SECISBP2L: variants seen among roughly 807,000 people sequenced by gnomAD.
SECISBP2L encodes the protein SECIS binding protein 2 like.
A neutral mutation model predicts 114.7 loss-of-function variants in SECISBP2L; 43 were observed. That is an observed-to-expected ratio of 0.38 (90% CI 0.29 to 0.48). The LOEUF is 0.48. SECISBP2L is among the 20% of genes least tolerant of loss of function. SECISBP2L has a pLI of 0.98. For synonymous variants in SECISBP2L, 451 were observed against 439.7 expected, an observed-to-expected ratio of 1.03 and a Z score of -0.32; for missense variants, 1,136 against 1,301.1, an observed-to-expected ratio of 0.87 and a Z score of 1.95.
At position 49,032,019 on chromosome 15, in the gene SECISBP2L, G is replaced by T. The variant is rs191825112; in HGVS notation, c.664+946C>A. Among the ~76,000 whole-genome samples, 328 of 152,264 alleles carry T rather than the reference G, an allele frequency of 2.2e-3. 1 individual carries two copies. Among genetic ancestry groups the T allele is most frequent in the Non-Finnish European group, 2.4e-3 (161 of 68,004 alleles). ...TTTATGCTTTAACCACACAATGACT[G>T]TACTATCAACAAGGCTTTTAAAACT... On this transcript the variant is annotated intron_variant, in intron 4 of 17. Coordinates refer to ENST00000559471, the MANE Select transcript of SECISBP2L (RefSeq NM_001193489.2).
chr15:49,005,786 C>G (rs1399493047), intron 14 of SECISBP2L, among the ~76,000 whole-genome samples: 1 of 151,828 alleles, frequency 6.6e-6, no homozygotes. Context: ...TGAATCTGAT[C>G]CTGTCATTAT....
chr15:49,011,241 G>A lies in SECISBP2L; in HGVS notation c.1864+490C>T, dbSNP rs112960956. On this transcript the variant is annotated intron_variant, in intron 13 of 17. Transcript: ENST00000559471. ...ACTAAGTTACCAACTGGAATCATAT[G>A]TGTTGCTACTTACTGTATGACACTG... 3.1e-3 allele frequency among the ~76,000 whole-genome samples: 476 copies of A among 152,280 alleles called. 1 individual carries two copies. Among genetic ancestry groups the A allele is most frequent in the African/African-American group, 0.011 (452 of 41,552 alleles).
At chr15:49,008,153 T>C (rs1448851252) in intron 14 of SECISBP2L, among the ~76,000 whole-genome samples, 1 of 152,214 alleles carries the variant, frequency 6.6e-6, no homozygotes, top group African/African-American at 2.4e-5. Context: ...TTGGTGTTTC[T>C]TATCTATGAA....
Position 49,027,433 on chromosome 15 carries a change from GT to G in SECISBP2L, c.966del (p.Lys322AsnfsTer51). ...AATGTCTGATTTTTTTCCATCCAAG[GT>G]TTTTTCTGAGTTGCCTGGCAAGTTA... ...SNVTCQATQK[K>X]PWMEKNQTFS... On this transcript the variant is annotated frameshift_variant, in exon 7 of 18. Transcript: ENST00000559471. LOFTEE classifies it high-confidence loss of function. The G allele has an allele frequency of 6.2e-7, 1 of 1,609,016 alleles. No individual in the cohort carries two copies. Among genetic ancestry groups the G allele is most frequent in the Non-Finnish European group, 8.5e-7 (1 of 1,176,762 alleles).
At chr15:49,043,018 C>T (rs1284422645) in intron 1 of SECISBP2L, among the ~76,000 whole-genome samples, 1 of 152,152 alleles carries the variant, frequency 6.6e-6, no homozygotes, top group Non-Finnish European at 1.5e-5. Context: ...CAGAGTGAGA[C>T]TCCGTCTCAA....
rs555537014 is a variant in SECISBP2L at position 49,012,124 on chromosome 15, T to C, written c.1732-261A>G. On this transcript the variant is annotated intron_variant, in intron 12 of 17. Transcript: ENST00000559471. ...ATGCTTTAAATCCTAGGTGGCAAAC[T>C]AGAGTTTCCAAAAAAAAAAAGGGTA... Among the ~76,000 whole-genome samples the C allele has an allele frequency of 1.1e-4, 14 of 131,966 alleles. No individual in the cohort carries two copies. In the East Asian group the frequency reaches 2.8e-3, roughly 27 times the overall value. The allele number at this position is 131,966 out of a possible 152,430, so 86.6% of individuals were successfully genotyped here.
chr15:49,025,658 AATGCATATCAAAACCATAATGAGGT>A (rs1902726796), intron 7 of SECISBP2L, among the ~76,000 whole-genome samples: 1 of 152,174 alleles, frequency 6.6e-6, no homozygotes, highest in Admixed American at 6.5e-5. Context: ...TCATCAGGGA[AATGCATATCAAAACCATAATGAGGT>A]ATTTTCTCAT....
At chr15:49,042,929 G>A (rs1328990078) in intron 1 of SECISBP2L, among the ~76,000 whole-genome samples, 1 of 152,182 alleles carries the variant, frequency 6.6e-6, no homozygotes, top group African/African-American at 2.4e-5. Flanking sequence ...TCAGGAGGCT[G>A]AGGCAGGAGA....
At chr15:49,014,347 A>G (rs1378918327) in intron 11 of SECISBP2L, among the ~76,000 whole-genome samples, 1 of 152,134 alleles carries the variant, frequency 6.6e-6, no homozygotes, top group East Asian at 1.9e-4. Context: ...GTCTGTGAAC[A>G]TCTTTTTCCT....
intron 7 of SECISBP2L, among the ~76,000 whole-genome samples, chr15:49,023,117 A>T (rs1256162415): frequency 6.6e-6 from 1 of 152,176 alleles, no homozygotes; most frequent in Non-Finnish European, 1.5e-5. Context: ...TAATCATGAT[A>T]ATAATGAGCA....
rs527904870 is a variant in SECISBP2L, at chr15:49,020,386, A to G, written c.1036-834T>C. 2.7e-5 allele frequency among the ~76,000 whole-genome samples: 4 copies of G among 150,596 alleles called. No homozygotes were observed. The South Asian group carries it at 8.5e-4, about 32-fold the overall frequency. ...ACACCCAGCTAATTGTTTTATTTGT[A>G]TTTTTGTAGAGACAGGGGTCTCGCT... On this transcript the variant is annotated intron_variant, in intron 7 of 17. Coordinates refer to ENST00000559471, the MANE Select transcript of SECISBP2L (RefSeq NM_001193489.2).
At position 49,046,408 on chromosome 15, in the gene SECISBP2L, C is replaced by G. The variant is rs1903253303; in HGVS notation, c.-109G>C. ...CAGACTGGGTTCCGGACCTCCGCCC[C>G]TATCTGGCTGGCCGCGACACCGATT... On this transcript the variant is annotated 5_prime_UTR_variant, in exon 1 of 18. Coordinates refer to ENST00000559471, the MANE Select transcript of SECISBP2L (RefSeq NM_001193489.2). 8 of 1,234,414 alleles carry G rather than the reference C, an allele frequency of 6.5e-6. No individual in the cohort carries two copies. In the Admixed American group the frequency reaches 1.1e-4, roughly 18 times the overall value. 76.5% of individuals were successfully genotyped at this position (1,234,414 alleles called of 1,614,324 possible).
intron 4 of SECISBP2L, among the ~76,000 whole-genome samples, chr15:49,031,906 C>A (rs981369890): frequency 1.3e-5 from 2 of 152,074 alleles, no homozygotes; most frequent in Admixed American, 6.6e-5. Flanking sequence ...ACAACCAAAC[C>A]AGAAAACTTA....
At chr15:49,032,428 A>G (rs1312692036) in intron 4 of SECISBP2L, among the ~76,000 whole-genome samples, 2 of 152,224 alleles carry the variant, frequency 1.3e-5, no homozygotes, top group Non-Finnish European at 1.5e-5. Flanking sequence ...TTTTTATTTA[A>G]TGCCTGTACA....
chr15:48,988,650 A>C lies in SECISBP2L; in HGVS notation c.*3594T>G. ...CTGAAAGGACAGATTTCATTTCAATAATCATTTTATTAGTACAGAAGAATC... is the reference window on the plus strand; with the variant it reads ...CTGAAAGGACAGATTTCATTTCAATCATCATTTTATTAGTACAGAAGAATC... On this transcript the variant is annotated 3_prime_UTR_variant, in exon 18 of 18. Transcript: ENST00000559471. The C allele has an allele frequency of 2.2e-6, 1 of 456,276 alleles. No individual in the cohort carries two copies. The allele number at this position is 456,276 out of a possible 1,614,324, so 28.3% of individuals were successfully genotyped here. A position where few individuals can be genotyped will look rare whatever the true frequency, so the allele number is the denominator to read the frequency against.
intron 14 of SECISBP2L, chr15:49,002,009 A>C (rs1389724074): frequency 7.0e-6 from 1 of 142,786 alleles, no homozygotes; most frequent in Non-Finnish European, 1.6e-5. Flanking sequence ...AATGGTTCTG[A>C]TTCTAGATCC....
chr15:49,042,232 TCTC>T (rs2141089551), intron 1 of SECISBP2L: 1 of 152,350 alleles, frequency 6.6e-6, no homozygotes, highest in South Asian at 2.1e-4. Flanking sequence ...TAATTTTCAT[TCTC>T]CTTGTAAACT....
intron 7 of SECISBP2L, among the ~76,000 whole-genome samples, chr15:49,020,215 A>G (rs1281512078): frequency 2.0e-5 from 3 of 151,614 alleles, no homozygotes; most frequent in Non-Finnish European, 4.4e-5. Context: ...TTACTTGCTT[A>G]TTTTTTTTAG....
At chr15:49,032,171 C>T (rs1259342490) in intron 4 of SECISBP2L, among the ~76,000 whole-genome samples, 1 of 152,164 alleles carries the variant, frequency 6.6e-6, no homozygotes, top group Non-Finnish European at 1.5e-5. Flanking sequence ...TCAACTCAGA[C>T]TTCATTTGAA....
Sources: gnomAD v4.1 joint callset for allele counts (sites outside exome capture counted in the v4.1 genomes callset) on GRCh38, gnomAD v4.1.1 for gene constraint, MANE v1.5 for transcripts, NCBI Gene and HGNC (gene_info 2026-07-23, HGNC 2026-07-21) for gene names.